NHSL2: variants seen among roughly 807,000 people sequenced by gnomAD.
The protein encoded by NHSL2 is NHS like 2, also known as NHS-like protein 2.
In NHSL2, 27 loss-of-function variants were observed where a neutral mutation model predicts 53.4. That is an observed-to-expected ratio of 0.51 (90% CI 0.37 to 0.70). NHSL2 has a LOEUF of 0.70. NHSL2 is among the 30% of genes least tolerant of loss of function. NHSL2 has a pLI of 0.00. For synonymous variants in NHSL2, 408 were observed against 404.1 expected (o/e 1.01, Z -0.12); for missense variants, 892 against 980.1 (o/e 0.91, Z 1.20).
At chrX:72,035,849 A>G (rs957321418) in intron 1 of NHSL2, among the ~76,000 whole-genome samples, 3 of 111,624 alleles carry the variant, frequency 2.7e-5, no homozygotes, top group Non-Finnish European at 5.6e-5. Flanking sequence ...CAGGCCATAG[A>G]TCGATACCAG....
chrX:72,095,122 C>CT (rs776601826), intron 1 of NHSL2, among the ~76,000 whole-genome samples: 9 of 112,092 alleles, frequency 8.0e-5, no homozygotes, highest in East Asian at 5.6e-4. Flanking sequence ...TTCCCAAGCA[C>CT]TTTTGCTTAT....
At chrX:72,084,118 G>A (rs1200026324) in intron 1 of NHSL2, among the ~76,000 whole-genome samples, 1 of 112,371 alleles carries the variant, frequency 8.9e-6, no homozygotes, top group Non-Finnish European at 1.9e-5. Context: ...CTCTATTGTA[G>A]CATCTCTCAC....
intron 1 of NHSL2, chrX:72,130,932 G>A (rs757281168): frequency 8.3e-7 from 1 of 1,211,952 alleles, no homozygotes; most frequent in Non-Finnish European, 1.1e-6. Context: ...TGACCGAGAT[G>A]GCCCAGTCCT....
intron 1 of NHSL2, among the ~76,000 whole-genome samples, chrX:71,931,954 T>G (rs756090213): frequency 2.0e-4 from 23 of 112,400 alleles, no homozygotes; most frequent in Non-Finnish European, 3.8e-4. Context: ...CTGTTTACTG[T>G]TTATCAAGGA....
At chrX:71,922,425 A>G (rs964004113) in intron 1 of NHSL2, among the ~76,000 whole-genome samples, 1 of 112,165 alleles carries the variant, frequency 8.9e-6, no homozygotes, top group Non-Finnish European at 1.9e-5. Flanking sequence ...GCATCCCTCC[A>G]TAGTGTGATC....
intron 1 of NHSL2, chrX:72,044,478 G>A (rs2042293626): frequency 4.2e-6 from 2 of 476,997 alleles, no homozygotes; most frequent in East Asian, 7.3e-5. Context: ...GGATGGTTTG[G>A]GATCCCACAG....
intron 1 of NHSL2, among the ~76,000 whole-genome samples, chrX:72,032,870 A>G (rs1455110982): frequency 1.8e-5 from 2 of 111,875 alleles, no homozygotes; most frequent in East Asian, 2.8e-4. Flanking sequence ...AAAAATAAAT[A>G]ATAAAATTAA....
At chrX:72,086,425 T>G (rs2041844955) in intron 1 of NHSL2, among the ~76,000 whole-genome samples, 1 of 112,031 alleles carries the variant, frequency 8.9e-6, no homozygotes, top group Non-Finnish European at 1.9e-5. Context: ...GGCTTACGCC[T>G]ATAATCCCAG....
At chrX:71,963,962 C>T (rs77595613) in intron 1 of NHSL2, among the ~76,000 whole-genome samples, 2,241 of 48,641 alleles carry the variant, frequency 0.046, 141 homozygotes, top group East Asian at 0.28. Flanking sequence ...TATATATACA[C>T]ATATATATAT....
chrX:71,924,055 A>G (rs1399272622), intron 1 of NHSL2, among the ~76,000 whole-genome samples: 3 of 111,870 alleles, frequency 2.7e-5, no homozygotes, highest in Non-Finnish European at 5.6e-5. Context: ...TACCCCACTC[A>G]TTGTACTATA....
intron 1 of NHSL2, among the ~76,000 whole-genome samples, chrX:72,001,927 T>C (rs192173612): frequency 8.9e-6 from 1 of 112,899 alleles, no homozygotes. Context: ...TCTACCATTA[T>C]GGAGAGGTTG....
At chrX:71,953,017 C>T (rs1002355448) in intron 1 of NHSL2, among the ~76,000 whole-genome samples, 6 of 112,080 alleles carry the variant, frequency 5.4e-5, no homozygotes, top group Admixed American at 3.8e-4. Flanking sequence ...GTCTGAACCA[C>T]CAAGAGCCAG....
intron 1 of NHSL2, among the ~76,000 whole-genome samples, chrX:72,071,477 T>A (rs6624591): frequency 0.18 from 20,216 of 111,266 alleles, 1,738 homozygotes; most frequent in East Asian, 0.38. Flanking sequence ...GCTTTGTATC[T>A]TCAATGCCAG....
intron 1 of NHSL2, among the ~76,000 whole-genome samples, chrX:72,117,818 TTTTATTTATTTA>T (rs779724895): frequency 9.3e-4 from 89 of 95,493 alleles, no homozygotes; most frequent in African/African-American, 2.0e-3. Context: ...TAGACCACAT[TTTTATTTATTTA>T]TTTATTTATT....
At chrX:71,948,958 A>G (rs1384882842) in intron 1 of NHSL2, among the ~76,000 whole-genome samples, 1 of 104,599 alleles carries the variant, frequency 9.6e-6, no homozygotes, top group African/African-American at 3.5e-5. Flanking sequence ...GGGTTTCGCC[A>G]TGTTGCCCAG....
At chrX:71,916,538 T>C (rs935120365) in intron 1 of NHSL2, among the ~76,000 whole-genome samples, 22 of 111,364 alleles carry the variant, frequency 2.0e-4, no homozygotes, top group African/African-American at 6.9e-4. Context: ...AATGTCTCCA[T>C]TCGAGGAGCT....
intron 1 of NHSL2, among the ~76,000 whole-genome samples, chrX:72,092,131 T>C (rs1384372672): frequency 9.0e-6 from 1 of 111,728 alleles, no homozygotes; most frequent in Non-Finnish European, 1.9e-5. Context: ...TGTTTCAGGT[T>C]GCGAGAACAA....
intron 1 of NHSL2, chrX:72,131,693 GC>G (rs2042302950): frequency 2.1e-6 from 1 of 484,430 alleles, no homozygotes; most frequent in African/African-American, 2.6e-5. Context: ...ACCCACCGGG[GC>G]GAGCTCGGAG....
chrX:72,047,181 C>G (rs1340365408), intron 1 of NHSL2, among the ~76,000 whole-genome samples: 3 of 111,478 alleles, frequency 2.7e-5, no homozygotes, highest in Non-Finnish European at 3.8e-5. Flanking sequence ...CTTCAGCCAC[C>G]ATCCTGAAAC....
Sources: gnomAD v4.1 joint callset for allele counts (sites outside exome capture counted in the v4.1 genomes callset) on GRCh38, gnomAD v4.1.1 for gene constraint, MANE v1.5 for transcripts, NCBI Gene and HGNC (gene_info 2026-07-23, HGNC 2026-07-21) for gene names.